Variants in TRPC4 observed in about 807,000 individuals in gnomAD.
TRPC4 encodes the protein short transient receptor potential channel 4.
In TRPC4, 49 loss-of-function variants were observed where a neutral mutation model predicts 99.4. That is an observed-to-expected ratio of 0.49 (90% CI 0.39 to 0.63). The LOEUF is 0.63. TRPC4 is among the 20% of genes least tolerant of loss of function. The probability of loss-of-function intolerance (pLI) is 0.00; values close to 1 mark genes in which losing one functional copy is unlikely to be tolerated. For synonymous variants in TRPC4, 454 were observed against 425.9 expected, an observed-to-expected ratio of 1.07 and a Z score of -0.81; for missense variants, 898 against 1,152.9, an observed-to-expected ratio of 0.78 and a Z score of 3.20.
chr13:37,665,922 T>C (rs1184521743), intron 5 of TRPC4, among the ~76,000 whole-genome samples: 2 of 151,826 alleles, frequency 1.3e-5, no homozygotes, highest in African/African-American at 4.8e-5. Flanking sequence ...TTATTTAAGC[T>C]GATTTCAGAG....
intron 2 of TRPC4, among the ~76,000 whole-genome samples, chr13:37,776,163 C>T (rs528917353): frequency 1.3e-5 from 2 of 151,922 alleles, no homozygotes; most frequent in South Asian, 4.1e-4. Flanking sequence ...TATTCTGTAA[C>T]AGCCTTTAAA....
chr13:37,701,537 A>T (rs894756420), intron 3 of TRPC4, among the ~76,000 whole-genome samples: 8 of 151,802 alleles, frequency 5.3e-5, no homozygotes, highest in Admixed American at 5.3e-4. Flanking sequence ...TCCACTTGCC[A>T]CACGTGCAAG....
rs150355444 is a variant in TRPC4, at chr13:37,651,361, C to T, written c.1983G>A (p.Pro661=). The change falls in exon 8 of 11, where the codon CCG becomes CCA. Residue 661 remains proline, a synonymous_variant. Transcript: ENST00000379705. ...TCAGGTACCAGAGAGACTTGGGGCT[C>T]GGGATGACATTGAAGGGAGTAGGCA... The part of the protein sequence containing the change: ...GTLPTPFNVI[P]SPKSLWYLIK... 8.0e-5 allele frequency: 129 copies of T among 1,614,082 alleles called. No individual in the cohort carries two copies. Among genetic ancestry groups the T allele is most frequent in the East Asian group, 4.0e-4 (18 of 44,878 alleles).
At chr13:37,813,705 C>T (rs948319123) in intron 1 of TRPC4, among the ~76,000 whole-genome samples, 2 of 151,698 alleles carry the variant, frequency 1.3e-5, no homozygotes, top group Admixed American at 6.6e-5. Context: ...AGACTTGTAA[C>T]AAAGAGATCA....
chr13:37,786,979 C>T (rs887707963), intron 1 of TRPC4, among the ~76,000 whole-genome samples: 3 of 151,824 alleles, frequency 2.0e-5, no homozygotes, highest in Non-Finnish European at 2.9e-5. Flanking sequence ...AAATTAAAAT[C>T]GTCACTAAGT....
At chr13:37,732,341 CA>C (rs1210934411) in intron 3 of TRPC4, among the ~76,000 whole-genome samples, 1 of 151,994 alleles carries the variant, frequency 6.6e-6, no homozygotes, top group African/African-American at 2.4e-5. Flanking sequence ...TGTTTTATTT[CA>C]AACCAATGAA....
intron 1 of TRPC4, among the ~76,000 whole-genome samples, chr13:37,792,364 C>T (rs1317369731): frequency 6.6e-6 from 1 of 151,988 alleles, no homozygotes; most frequent in Admixed American, 6.6e-5. Context: ...TATTATTTGG[C>T]ATAATTTGTA....
intron 1 of TRPC4, among the ~76,000 whole-genome samples, chr13:37,794,266 C>T (rs1213153918): frequency 6.6e-6 from 1 of 151,954 alleles, no homozygotes. Flanking sequence ...AAACATTCAT[C>T]ACAAAATAAA....
At chr13:37,669,326 G>A (rs1258829507) in intron 5 of TRPC4, among the ~76,000 whole-genome samples, 1 of 152,136 alleles carries the variant, frequency 6.6e-6, no homozygotes, top group Admixed American at 6.5e-5. Flanking sequence ...TAATGAAACT[G>A]AAGTAACGTT....
rs536348343 is a variant in TRPC4 at position 37,718,096 on chromosome 13, A to C, written c.898-25761T>G. On this transcript the variant is annotated intron_variant, in intron 3 of 10. Transcript: ENST00000379705. ...AAAAATATATGACAGTATTCAGGGC[A>C]ACCACAACTGCTAGAAAATGAAGAG... Among the ~76,000 whole-genome samples, 6 of 152,202 alleles carry C rather than the reference A, an allele frequency of 3.9e-5. No homozygotes were observed. The East Asian group carries it at 1.2e-3, about 29-fold the overall frequency.
chr13:37,774,495 T>A (rs1490511785), intron 2 of TRPC4, among the ~76,000 whole-genome samples: 2 of 151,730 alleles, frequency 1.3e-5, no homozygotes, highest in South Asian at 4.1e-4. Context: ...AAAAGAACAT[T>A]TATTTATTTA....
intron 1 of TRPC4, among the ~76,000 whole-genome samples, chr13:37,808,900 C>T (rs533125281): frequency 6.6e-6 from 1 of 152,094 alleles, no homozygotes; most frequent in African/African-American, 2.4e-5. Context: ...GCCTGAAAGC[C>T]CCCTGAAACC....
At chr13:37,641,346 G>T (rs933486939) in intron 8 of TRPC4, among the ~76,000 whole-genome samples, 3 of 152,102 alleles carry the variant, frequency 2.0e-5, no homozygotes, top group African/African-American at 4.8e-5. Context: ...TATAGTCCAG[G>T]TTTAAGACTA....
At chr13:37,764,671 GAT>G (rs2139257856) in intron 2 of TRPC4, among the ~76,000 whole-genome samples, 1 of 151,348 alleles carries the variant, frequency 6.6e-6, no homozygotes, top group Non-Finnish European at 1.5e-5. Context: ...TTTTCAGAAT[GAT>G]ATAAACTGTA....
intron 1 of TRPC4, among the ~76,000 whole-genome samples, chr13:37,785,061 G>A (rs952508344): frequency 2.0e-5 from 3 of 152,030 alleles, no homozygotes; most frequent in Non-Finnish European, 2.9e-5. Context: ...TTAGTATTGT[G>A]GGGATGCTTT....
chr13:37,809,480 T>A (rs1372073581), intron 1 of TRPC4, among the ~76,000 whole-genome samples: 20 of 141,310 alleles, frequency 1.4e-4, no homozygotes, highest in Admixed American at 1.4e-4. Context: ...TTTTTTTTTT[T>A]AAATAACTGA....
chr13:37,666,841 C>T (rs1044962956), intron 5 of TRPC4, among the ~76,000 whole-genome samples: 6 of 152,092 alleles, frequency 3.9e-5, no homozygotes, highest in African/African-American at 1.2e-4. Context: ...TTTCAAGCTT[C>T]CTCTCTTCTC....
chr13:37,835,081 A>C (rs1481360640), intron 1 of TRPC4, among the ~76,000 whole-genome samples: 1 of 151,364 alleles, frequency 6.6e-6, no homozygotes, highest in Non-Finnish European at 1.5e-5. Flanking sequence ...CATATTGTCG[A>C]TGGAAGAAAA....
chr13:37,832,407 G>A (rs531614573), intron 1 of TRPC4, among the ~76,000 whole-genome samples: 3 of 151,916 alleles, frequency 2.0e-5, no homozygotes, highest in Admixed American at 6.6e-5. Context: ...TTAGCTGGGC[G>A]GTGCACCTGT....
Sources: allele counts gnomAD v4.1 joint callset (sites outside exome capture counted in the v4.1 genomes callset), GRCh38; gene constraint gnomAD v4.1.1; transcripts MANE v1.5; gene names NCBI Gene and HGNC (gene_info 2026-07-23, HGNC 2026-07-21).